CLPTM1L: variants seen among roughly 807,000 people sequenced by gnomAD.
CLPTM1L encodes the protein lipid scramblase CLPTM1L.
A neutral mutation model predicts 70.9 loss-of-function variants in CLPTM1L; 38 were observed. The ratio of observed to expected loss-of-function variants is 0.54; its 90% CI spans 0.41 to 0.70. CLPTM1L has a LOEUF of 0.70. Ranked by LOEUF, CLPTM1L falls within the 30% of genes least tolerant of loss-of-function variation. CLPTM1L has a pLI of 0.00. For synonymous variants in CLPTM1L, 339 were observed against 299.9 expected (o/e 1.13, Z -1.35); for missense variants, 652 against 705.9 (o/e 0.92, Z 0.87).
rs3222913 is a variant in CLPTM1L at position 1,342,039 on chromosome 5, T to TGTGTGTGCGC, written c.264-180_264-179insGCGCACACAC. Among the ~76,000 whole-genome samples, 3,393 of 149,028 alleles carry TGTGTGTGCGC rather than the reference T, an allele frequency of 0.023. 121 individuals are homozygous for TGTGTGTGCGC. Among genetic ancestry groups the TGTGTGTGCGC allele is most frequent in the African/African-American group, 0.079 (3,144 of 39,732 alleles). ...GTGTGTGTGTGTGTGTGTGTGTGTGTGCACGCGCACGCGTGCGCGTCCTGA... is the reference window on the plus strand; with the variant it reads ...GTGTGTGTGTGTGTGTGTGTGTGTGTGTGTGTGCGCGCACGCGCACGCGTGCGCGTCCTGA... On this transcript the variant is annotated intron_variant, in intron 2 of 16. Coordinates refer to ENST00000320895, the MANE Select transcript of CLPTM1L (RefSeq NM_030782.5). This position sits in a 1 kb window ranked among gnomAD's most constrained non-coding sequence, Gnocchi z 4.3.
At position 1,326,870 on chromosome 5, in the gene CLPTM1L, G is replaced by C. The variant is rs867304668; in HGVS notation, c.1081-1054C>G. Among the ~76,000 whole-genome samples the C allele has an allele frequency of 5.8e-3, 394 of 68,318 alleles. 20 individuals carry two copies. The highest frequency in any genetic ancestry group is 0.049 in the East Asian group (103 of 2,110). The allele number at this position is 68,318 out of a possible 152,430, so 44.8% of individuals were successfully genotyped here. A position where few individuals can be genotyped will look rare whatever the true frequency, so the allele number is the denominator to read the frequency against. On this transcript the variant is annotated intron_variant, in intron 9 of 16. Transcript: ENST00000320895. ...GACACATTTCATCCAGCTCCTCCTC[G>C]ACAGACACATTTCATCCAGCTCCTC...
Position 1,344,856 on chromosome 5 carries a change from C to T in CLPTM1L, c.-15G>A. The T allele has an allele frequency of 6.9e-7, 1 of 1,440,530 alleles. No homozygotes were observed. Among genetic ancestry groups the T allele is most frequent in the African/African-American group, 1.5e-5 (1 of 67,188 alleles). 89.2% of individuals were successfully genotyped at this position (1,440,530 alleles called of 1,614,324 possible). A position where few individuals can be genotyped will look rare whatever the true frequency, so the allele number is the denominator to read the frequency against. On this transcript the variant is annotated 5_prime_UTR_variant, in exon 1 of 17. Transcript: ENST00000320895. The stretch of plus-strand genomic sequence containing the variant: ...CCGCTCCACATGGCGGCCCCGCGCC[C>T]GGCGCCCCCGGCCCGCCCGCCTCTC...
chr5:1,333,081 T>C (rs369909015), intron 7 of CLPTM1L, among the ~76,000 whole-genome samples: 898 of 84,342 alleles, frequency 0.011, 5 homozygotes, highest in Non-Finnish European at 0.014. Flanking sequence ...GACTACTGTA[T>C]ACACACCGGA....
chr5:1,331,557 C>G, intron 8 of CLPTM1L: 2 of 574,466 alleles, frequency 3.5e-6, no homozygotes, highest in Non-Finnish European at 6.2e-6. Context: ...GAGTCCGCAG[C>G]CAGGCCCTGA....
At chr5:1,325,521 G>T in intron 10 of CLPTM1L, 1 of 548,922 alleles carries the variant, frequency 1.8e-6, no homozygotes, top group Non-Finnish European at 3.3e-6. Flanking sequence ...CTCAGGCCCA[G>T]AAGTGCTGCC....
intron 5 of CLPTM1L, among the ~76,000 whole-genome samples, chr5:1,337,421 C>T (rs763522785): frequency 1.3e-5 from 2 of 152,254 alleles, no homozygotes; most frequent in African/African-American, 4.8e-5. Flanking sequence ...AAAGGCCTTC[C>T]GCCTTGCCAG....
At position 1,321,539 on chromosome 5, in the gene CLPTM1L, G is replaced by A. The variant is rs1752153190; in HGVS notation, c.1416+96C>T. ...AAAGGGACAGGTGCAGATGCACTCT[G>A]GGCAGAGATGGCCCCAGTAATGCTG... On this transcript the variant is annotated intron_variant, in intron 15 of 16. Coordinates refer to ENST00000320895, the MANE Select transcript of CLPTM1L (RefSeq NM_030782.5). 3.7e-6 allele frequency: 4 copies of A among 1,077,890 alleles called. No homozygotes were observed. The South Asian group carries it at 5.0e-5, about 13-fold the overall frequency. The allele number at this position is 1,077,890 out of a possible 1,614,324, so 66.8% of individuals were successfully genotyped here. A position where few individuals can be genotyped will look rare whatever the true frequency, so the allele number is the denominator to read the frequency against.
rs1752998344 is a variant in CLPTM1L at position 1,330,285 on chromosome 5, T to C, written c.1075A>G (p.Ile359Val). Residue 359 changes from isoleucine (I) to valine (V), a missense_variant, in exon 9 of 17, where the codon ATT (isoleucine) becomes GTT (valine). Physicochemically the swap from Ile to Val is conservative, Grantham distance 29 (BLOSUM62 3). Around this residue, in one of 3 missense-constraint regions of CLPTM1L, gnomAD observed 240 missense variants for 295.0 expected, o/e 0.81. Transcript: ENST00000320895. ...GGTCACTGCCCGGAACTCACCTCAA[T>C]GGCGGCTCCAACACCCGCCGGGACC... is the stretch of plus-strand genomic sequence containing the variant. ...VLVPAGVGAAIELWKVKKALK... is the reference protein window; with the variant it reads ...VLVPAGVGAAVELWKVKKALK... The C allele has an allele frequency of 1.9e-6, 3 of 1,612,070 alleles. No homozygotes were observed. The highest frequency in any genetic ancestry group is 2.5e-6 in the Non-Finnish European group (3 of 1,179,496).
chr5:1,338,026 T>TA (rs1306145569), intron 4 of CLPTM1L, 44 bp from the exon 5 acceptor site: 1 of 1,486,120 alleles, frequency 6.7e-7, no homozygotes, highest in South Asian at 1.2e-5. Context: ...CCAAGGCTTT[T>TA]ACCTTTCAAT....
At chr5:1,339,065 G>A in intron 3 of CLPTM1L, 60 bp from the exon 4 acceptor site, 6 of 1,573,252 alleles carry the variant, frequency 3.8e-6, no homozygotes, top group South Asian at 1.1e-5. Context: ...CAGGACAGCA[G>A]GGTCAGCCCC....
chr5:1,328,768 TCCATCCAGATCCTCCTCTAC>T (rs1408703368), intron 9 of CLPTM1L, among the ~76,000 whole-genome samples: 2 of 150,860 alleles, frequency 1.3e-5, no homozygotes, highest in African/African-American at 4.9e-5. Flanking sequence ...ACAGGGACAC[TCCATCCAGATCCTCCTCTAC>T]AGACACATTT....
chr5:1,323,916 C>T (rs773244135), intron 11 of CLPTM1L, 47 bp from the exon 12 acceptor site: 1 of 1,396,420 alleles, frequency 7.2e-7, no homozygotes, highest in Non-Finnish European at 1.0e-6. Context: ...AAACGCCAAG[C>T]CTCTGTAAAC....
At position 1,337,954 on chromosome 5, in the gene CLPTM1L, G is replaced by A. The variant is rs1753685593; in HGVS notation, c.628C>T (p.Leu210=). Residue 210 remains leucine, a synonymous_variant, in exon 5 of 17, where the codon CTG becomes TTG. Transcript: ENST00000320895. ...AGCTGGTCGATGAACAGGATGGGCA[G>A]GTAATGCACGGTTTTCCCCAGCTGG... ...MIQLGKTVHY[L]PILFIDQLSN... is the part of the protein sequence containing the mutation. 6.2e-7 allele frequency: 1 copy of A among 1,607,706 alleles called. No homozygotes were observed. Among genetic ancestry groups the A allele is most frequent in the African/African-American group, 1.3e-5 (1 of 74,906 alleles).
Position 1,321,809 on chromosome 5 carries a change from G to C in CLPTM1L, c.1326C>G (p.Ala442=), listed in dbSNP as rs1339986068. The C allele has an allele frequency of 6.2e-7, 1 of 1,613,834 alleles. No individual in the cohort carries two copies. The highest frequency in any genetic ancestry group is 1.7e-5 in the Admixed American group (1 of 59,988). ...GGGGCAGCATGAAGAGGAAACCAAA[G>C]GCATAGACCCCTGCAGAAAGACAGA... ...LINSFVNGVY[A]FGFLFMLPQL... The change falls in exon 14 of 17, where the codon GCC becomes GCG. Residue 442 remains alanine (A), a synonymous_variant. Transcript: ENST00000320895.
intron 9 of CLPTM1L, among the ~76,000 whole-genome samples, chr5:1,327,687 A>G (rs1366940399): frequency 5.2e-5 from 7 of 134,992 alleles, no homozygotes; most frequent in Admixed American, 7.5e-5. Flanking sequence ...TCCTCTACAG[A>G]CACATTTCAT....
At chr5:1,334,585 C>T (rs970114439) in intron 6 of CLPTM1L, among the ~76,000 whole-genome samples, 1 of 152,088 alleles carries the variant, frequency 6.6e-6, no homozygotes, top group Non-Finnish European at 1.5e-5. Context: ...GAAACTCCAT[C>T]TCTACTAAAA....
rs146385473 is a variant in CLPTM1L at position 1,326,426 on chromosome 5, C to T, written c.1081-610G>A. On this transcript the variant is annotated intron_variant, in intron 9 of 16. Coordinates refer to ENST00000320895, the MANE Select transcript of CLPTM1L (RefSeq NM_030782.5). The stretch of plus-strand genomic sequence containing the variant: ...TCTACAGACACATTTCATCCAGCTC[C>T]TCCTCGACAGACACATTTCATTTCA... 1.3e-3 allele frequency: 305 copies of T among 241,994 alleles called. 2 individuals carry two copies. Among genetic ancestry groups the T allele is most frequent in the African/African-American group, 7.0e-3 (289 of 41,138 alleles). The allele number at this position is 241,994 out of a possible 1,614,324, so 15.0% of individuals were successfully genotyped here. A position where few individuals can be genotyped will look rare whatever the true frequency, so the allele number is the denominator to read the frequency against.
At chr5:1,338,379 C>A (rs1367042276) in intron 4 of CLPTM1L, 3 of 286,276 alleles carry the variant, frequency 1.0e-5, no homozygotes, top group Non-Finnish European at 2.0e-5. Context: ...CCTGCAGCCA[C>A]CTGGGAGGCG....
Position 1,321,688 on chromosome 5 carries a change from G to A in CLPTM1L, c.1372-9C>T. On this transcript the variant is annotated splice_polypyrimidine_tract_variant and intron_variant, in intron 14 of 16. Coordinates refer to ENST00000320895, the MANE Select transcript of CLPTM1L (RefSeq NM_030782.5). The stretch of plus-strand genomic sequence containing the variant: ...TGTGCCACTGACTTCAACTGAAACA[G>A]GAGAGACAGGCCCAGGTCAGCTGTG... 6.2e-7 allele frequency: 1 copy of A among 1,614,058 alleles called. No individual in the cohort carries two copies. The highest frequency in any genetic ancestry group is 8.5e-7 in the Non-Finnish European group (1 of 1,180,046).
Sources: allele counts gnomAD v4.1 joint callset (sites outside exome capture counted in the v4.1 genomes callset), GRCh38; gene constraint gnomAD v4.1.1; regional missense constraint gnomAD v4.1.1; non-coding constraint Gnocchi (gnomAD v3.1); transcripts MANE v1.5; gene names NCBI Gene and HGNC (gene_info 2026-07-23, HGNC 2026-07-21).